The following PRKCH variants were observed in gnomAD, a reference collection of about 807,000 sequenced individuals.
PRKCH encodes the protein protein kinase C eta, also known as protein kinase C eta type.
Under a neutral mutation model 82.5 loss-of-function variants are expected in PRKCH, and 28 were observed. The ratio of observed to expected loss-of-function variants is 0.34; its 90% confidence interval spans 0.25 to 0.47. The LOEUF is 0.47. Ranked by LOEUF, PRKCH falls within the 20% of genes least tolerant of loss-of-function variation. The pLI, the probability that PRKCH is intolerant of heterozygous loss-of-function variation, is 1.00. For missense variants in PRKCH, 705 were observed against 881.8 expected (o/e 0.80, Z 2.54); for synonymous variants, 322 against 327.4 (o/e 0.98, Z 0.18).
Position 61,449,289 on chromosome 14 carries a change from T to C in PRKCH, c.702+37T>C, listed in dbSNP as rs192336022. 627 of 1,529,986 alleles carry C rather than the reference T, an allele frequency of 4.1e-4. 1 individual carries two copies. The highest frequency in any genetic ancestry group is 3.0e-3 in the African/African-American group (223 of 73,194). The allele number at this position is 1,529,986 out of a possible 1,614,324, so 94.8% of individuals were successfully genotyped here. ...GCAGTTTGCTGATTAAATGTGCGTGTGTATTGTGTATGCTGTGTACCGCCG... is the reference window on the plus strand; with the variant it reads ...GCAGTTTGCTGATTAAATGTGCGTGCGTATTGTGTATGCTGTGTACCGCCG... On this transcript the variant is annotated intron_variant, in intron 5 of 13. Coordinates refer to ENST00000332981, the MANE Select transcript of PRKCH (RefSeq NM_006255.5).
At chr14:61,487,659 C>T (rs1594755992) in intron 10 of PRKCH, among the ~76,000 whole-genome samples, 1 of 152,062 alleles carries the variant, frequency 6.6e-6, no homozygotes, top group East Asian at 1.9e-4. Flanking sequence ...TTGACAGGGA[C>T]TTCTGCTGCA....
chr14:61,353,527 G>C (rs567105781), intron 1 of PRKCH: 1 of 152,136 alleles, frequency 6.6e-6, no homozygotes, highest in African/African-American at 2.4e-5. Flanking sequence ...ATATGTGATC[G>C]TAATTAAAAT....
rs1347291511 is a variant in PRKCH at position 61,209,197 on chromosome 14, T to G, written c.-19+21529T>G. ...TTGCCAGATACCGGTGCTATGCTCT[T>G]GGACTTCTCAGCCTCAAAAACTGTA... On this transcript the variant is annotated intron_variant, in intron 1 of 3. Coordinates refer to the PRKCH transcript ENST00000555185. Among the ~76,000 whole-genome samples the G allele has an allele frequency of 1.3e-5, 2 of 152,112 alleles. 1 individual carries two copies. The highest frequency in any genetic ancestry group is 4.8e-5 in the African/African-American group (2 of 41,394).
intron 9 of PRKCH, among the ~76,000 whole-genome samples, chr14:61,459,213 C>G (rs1884920709): frequency 6.6e-6 from 1 of 152,154 alleles, no homozygotes; most frequent in African/African-American, 2.4e-5. Context: ...TGGGCATGTT[C>G]CTGGCCTGTG....
At chr14:61,250,034 T>C (rs1479770323) in intron 1 of PRKCH, among the ~76,000 whole-genome samples, 2 of 149,004 alleles carry the variant, frequency 1.3e-5, no homozygotes, top group Admixed American at 6.7e-5. Flanking sequence ...CCGAGATGGG[T>C]GGATCACTTG....
chr14:61,268,275 G>C (rs908240828), intron 1 of PRKCH, among the ~76,000 whole-genome samples: 4 of 152,086 alleles, frequency 2.6e-5, no homozygotes, highest in Non-Finnish European at 5.9e-5. Flanking sequence ...GTTAAAATGT[G>C]GGGGGAAGTG....
intron 1 of PRKCH, among the ~76,000 whole-genome samples, chr14:61,228,715 A>T (rs1446643638): frequency 2.0e-5 from 3 of 151,958 alleles, no homozygotes; most frequent in Non-Finnish European, 4.4e-5. Flanking sequence ...TTCGGGAAAG[A>T]GTTTTTCTTT....
intron 9 of PRKCH, among the ~76,000 whole-genome samples, chr14:61,479,817 G>A (rs1885886147): frequency 6.6e-6 from 1 of 152,190 alleles, no homozygotes; most frequent in African/African-American, 2.4e-5. Context: ...AGTGACGACA[G>A]GAATTCTATT....
chr14:61,339,405 G>A, intron 1 of PRKCH, among the ~76,000 whole-genome samples: 1 of 147,008 alleles, frequency 6.8e-6, no homozygotes. Flanking sequence ...CTCACTGCAA[G>A]CTTTGCCTCC....
At chr14:61,486,721 C>T (rs1006883416) in intron 10 of PRKCH, among the ~76,000 whole-genome samples, 1 of 147,348 alleles carries the variant, frequency 6.8e-6, no homozygotes, top group Non-Finnish European at 1.5e-5. Context: ...GCTATTTTGG[C>T]TAGGTCGGTC....
At chr14:61,541,893 T>A (rs1038664515) in intron 12 of PRKCH, among the ~76,000 whole-genome samples, 1 of 152,204 alleles carries the variant, frequency 6.6e-6, no homozygotes, top group Non-Finnish European at 1.5e-5. Flanking sequence ...ATAAGCACCA[T>A]ACCTGACACC....
At chr14:61,237,717 G>A (rs1352147436) in intron 1 of PRKCH, among the ~76,000 whole-genome samples, 2 of 152,090 alleles carry the variant, frequency 1.3e-5, no homozygotes, top group Non-Finnish European at 2.9e-5. Context: ...CTTACCTCCA[G>A]TTGTCCCCCT....
At chr14:61,305,143 C>G (rs1390946417) in intron 1 of PRKCH, 2 of 151,524 alleles carry the variant, frequency 1.3e-5, no homozygotes, top group Non-Finnish European at 2.9e-5. Context: ...TTCACTCTAC[C>G]CCATTTTCTT....
At chr14:61,277,475 T>C (rs1352446466) in intron 1 of PRKCH, 1 of 152,224 alleles carries the variant, frequency 6.6e-6, no homozygotes, top group Non-Finnish European at 1.5e-5. Context: ...TACTTCTAGC[T>C]AGTGAACATT....
At chr14:61,391,323 T>G (rs189545538) in intron 2 of PRKCH, 35 bp downstream of exon 2, 80 of 1,539,578 alleles carry the variant, frequency 5.2e-5, no homozygotes, top group African/African-American at 7.0e-5. Context: ...CCAGAATACA[T>G]GTAATCTTGG....
In PRKCH at chr14:61,541,933, C is replaced by T. The variant is rs75191809; in HGVS notation, c.1762-5810C>T. ...TTGCAAAGAAGCTGCTCCACTGCAC[C>T]CATCTTGCTGCATTTAGTTTCTCTG... On this transcript the variant is annotated intron_variant, in intron 12 of 13. Coordinates refer to ENST00000332981, the MANE Select transcript of PRKCH (RefSeq NM_006255.5). 4.6e-3 allele frequency among the ~76,000 whole-genome samples: 695 copies of T among 152,278 alleles called. 4 individuals carry two copies. Among genetic ancestry groups the T allele is most frequent in the Middle Eastern group, 6.8e-3 (2 of 294 alleles).
chr14:61,294,538 C>T (rs1199196324), intron 1 of PRKCH, among the ~76,000 whole-genome samples: 2 of 151,732 alleles, frequency 1.3e-5, no homozygotes, highest in Admixed American at 6.6e-5. Context: ...GTCACCCAAG[C>T]ATGTGATCAA....
chr14:61,440,806 G>A (rs1279120188), intron 2 of PRKCH, among the ~76,000 whole-genome samples: 6 of 152,090 alleles, frequency 3.9e-5, no homozygotes, highest in Admixed American at 3.9e-4. Context: ...CCTGGGAGGT[G>A]GAGGTTGCAA....
intron 9 of PRKCH, among the ~76,000 whole-genome samples, chr14:61,467,419 A>G (rs3783792): frequency 0.16 from 24,357 of 152,158 alleles, 3,715 homozygotes; most frequent in African/African-American, 0.39. Flanking sequence ...CAGCGCCTCC[A>G]GCTCCCCTTT....
Sources: gnomAD v4.1 joint callset for allele counts (sites outside exome capture counted in the v4.1 genomes callset) on GRCh38, gnomAD v4.1.1 for gene constraint, MANE v1.5 for transcripts, NCBI Gene and HGNC (gene_info 2026-07-23, HGNC 2026-07-21) for gene names.